The following CADM2 variants were observed in gnomAD, a reference collection of about 807,000 sequenced individuals.
CADM2 encodes the protein immunoglobulin superfamily member 4D.
A neutral mutation model predicts 49.8 loss-of-function variants in CADM2; 12 were observed. The observed-to-expected ratio is 0.24, with a 90% confidence interval of 0.15 to 0.39. The LOEUF (loss-of-function observed/expected upper bound fraction) is 0.39, where lower values mean the gene tolerates loss of function less well. Among genes scored for constraint, CADM2 ranks in the 10% least tolerant of loss-of-function variants. The probability of loss-of-function intolerance (pLI) is 1.00; values close to 1 mark genes in which losing one functional copy is unlikely to be tolerated. For missense variants in CADM2, 378 were observed against 492.3 expected, an observed-to-expected ratio of 0.77 and a Z score of 2.20; for synonymous variants, 214 against 175.4, an observed-to-expected ratio of 1.22 and a Z score of -1.74.
At chr3:85,580,464 T>C (rs1576856117) in intron 1 of CADM2, among the ~76,000 whole-genome samples, 2 of 152,040 alleles carry the variant, frequency 1.3e-5, no homozygotes, top group Non-Finnish European at 2.9e-5. Flanking sequence ...AGAATAAGAT[T>C]AGAACTAACC....
chr3:85,672,976 T>C (rs895704544), intron 1 of CADM2, among the ~76,000 whole-genome samples: 7 of 152,202 alleles, frequency 4.6e-5, no homozygotes, highest in Non-Finnish European at 1.0e-4. Flanking sequence ...CTTGACTAAA[T>C]AGAAGAGCTG....
chr3:85,187,228 G>T (rs1196699909), intron 1 of CADM2, among the ~76,000 whole-genome samples: 1 of 152,084 alleles, frequency 6.6e-6, no homozygotes, highest in Non-Finnish European at 1.5e-5. Context: ...CATGGTTTTG[G>T]AAGCTGAGAG....
At chr3:84,960,819 T>C (rs1324876932) in intron 1 of CADM2, among the ~76,000 whole-genome samples, 1 of 152,110 alleles carries the variant, frequency 6.6e-6, no homozygotes, top group Admixed American at 6.5e-5. Context: ...CAATGCATAG[T>C]ACAGGAGTGC....
intron 1 of CADM2, among the ~76,000 whole-genome samples, chr3:85,371,068 CA>C (rs1028934059): frequency 6.6e-6 from 1 of 151,582 alleles, no homozygotes; most frequent in African/African-American, 2.4e-5. Context: ...AGAAAAAAGT[CA>C]AAAAAATTCT....
intron 1 of CADM2, among the ~76,000 whole-genome samples, chr3:85,354,687 TC>T: frequency 6.9e-6 from 1 of 145,594 alleles, no homozygotes; most frequent in East Asian, 2.1e-4. Context: ...CTGAGTTCTG[TC>T]AACTGAAGAA....
At chr3:85,465,216 A>G (rs1461907014) in intron 1 of CADM2, among the ~76,000 whole-genome samples, 1 of 152,206 alleles carries the variant, frequency 6.6e-6, no homozygotes, top group Non-Finnish European at 1.5e-5. Flanking sequence ...TTGTGTGCGT[A>G]TAATCATAAG....
chr3:85,719,170 T>C (rs1315331255), intron 1 of CADM2, among the ~76,000 whole-genome samples: 3 of 152,170 alleles, frequency 2.0e-5, no homozygotes, highest in Non-Finnish European at 4.4e-5. Flanking sequence ...TAGCCAAAAT[T>C]ACTTTCATTG....
At chr3:85,246,561 T>C (rs2107848133) in intron 1 of CADM2, among the ~76,000 whole-genome samples, 1 of 152,274 alleles carries the variant, frequency 6.6e-6, no homozygotes, top group East Asian at 1.9e-4. Context: ...TTAGCATTTC[T>C]TATTTGATAT....
chr3:85,087,753 C>A (rs1355015428), intron 1 of CADM2, among the ~76,000 whole-genome samples: 1 of 152,014 alleles, frequency 6.6e-6, no homozygotes, highest in Non-Finnish European at 1.5e-5. Flanking sequence ...TAAAACTATT[C>A]ATCATTTTTG....
intron 3 of CADM2, among the ~76,000 whole-genome samples, chr3:85,809,365 T>A (rs1039071299): frequency 6.6e-6 from 1 of 151,662 alleles, no homozygotes; most frequent in Non-Finnish European, 1.5e-5. Flanking sequence ...TTGAGGCGGG[T>A]GGACCACTTG....
rs559404011 is a variant in CADM2 at position 85,510,459 on chromosome 3, C to T, written c.62-216063C>T. ...TATTGGTAAATAGCAATTTGTTTTA[C>T]ATTCCGAAAATTGCCTAAAATTGCT... On this transcript the variant is annotated intron_variant, in intron 1 of 9. Coordinates refer to ENST00000383699, the MANE Select transcript of CADM2 (RefSeq NM_001167675.2). 4.6e-5 allele frequency among the ~76,000 whole-genome samples: 7 copies of T among 152,138 alleles called. No individual in the cohort carries two copies. In the East Asian group the frequency reaches 1.3e-3, roughly 29 times the overall value.
At chr3:84,984,044 T>C (rs1344076178) in intron 1 of CADM2, among the ~76,000 whole-genome samples, 5 of 100,198 alleles carry the variant, frequency 5.0e-5, no homozygotes, top group Non-Finnish European at 8.9e-5. Context: ...TATATATATA[T>C]ATATACACAC....
chr3:85,249,184 T>A (rs1311519560), intron 1 of CADM2, among the ~76,000 whole-genome samples: 2 of 152,112 alleles, frequency 1.3e-5, no homozygotes, highest in Non-Finnish European at 2.9e-5. Flanking sequence ...GTTTAATTAG[T>A]TCAAATGTCT....
intron 1 of CADM2, among the ~76,000 whole-genome samples, chr3:85,331,233 T>C (rs1351559206): frequency 6.6e-6 from 1 of 152,114 alleles, no homozygotes; most frequent in Non-Finnish European, 1.5e-5. Context: ...TCTTTCTGTC[T>C]AACTGTATTT....
chr3:85,219,019 A>T (rs896131066), intron 1 of CADM2, among the ~76,000 whole-genome samples: 2 of 152,164 alleles, frequency 1.3e-5, no homozygotes, highest in African/African-American at 4.8e-5. Context: ...ATTGTGTAAA[A>T]TGTAAGATTA....
chr3:85,059,993 C>A lies in CADM2; in HGVS notation c.61+100325C>A, dbSNP rs117945771. ...GCCAAGGATAAAAGTCAGTTCTTTG[C>A]CTTCATATCTCACCCTACTTTAATT... On this transcript the variant is annotated intron_variant, in intron 1 of 9. Coordinates refer to ENST00000383699, the MANE Select transcript of CADM2 (RefSeq NM_001167675.2). Among the ~76,000 whole-genome samples the A allele has an allele frequency of 2.2e-3, 336 of 152,154 alleles. 7 individuals are homozygous for A. In the East Asian group the frequency reaches 0.063, roughly 28 times the overall value.
At chr3:85,325,796 C>G (rs931687405) in intron 1 of CADM2, among the ~76,000 whole-genome samples, 1 of 151,566 alleles carries the variant, frequency 6.6e-6, no homozygotes, top group African/African-American at 2.4e-5. Flanking sequence ...TTCTGCTATT[C>G]CTTTCAAATT....
intron 6 of CADM2, among the ~76,000 whole-genome samples, chr3:85,927,569 T>C (rs558936756): frequency 1.3e-5 from 2 of 152,312 alleles, no homozygotes; most frequent in East Asian, 3.9e-4. Flanking sequence ...TAGGAACTAA[T>C]TTTGTGAACA....
At chr3:85,341,214 T>A (rs1032508815) in intron 1 of CADM2, among the ~76,000 whole-genome samples, 1 of 151,812 alleles carries the variant, frequency 6.6e-6, no homozygotes, top group African/African-American at 2.4e-5. Flanking sequence ...AATCTGAAAT[T>A]GTTCTGGTTT....
Sources: gnomAD v4.1 joint callset for allele counts (sites outside exome capture counted in the v4.1 genomes callset) on GRCh38, gnomAD v4.1.1 for gene constraint, MANE v1.5 for transcripts, NCBI Gene and HGNC (gene_info 2026-07-23, HGNC 2026-07-21) for gene names.